Variants in PRKN observed in about 807,000 individuals in gnomAD.
The protein encoded by PRKN is E3 ubiquitin-protein ligase parkin.
PRKN carries 56 observed loss-of-function variants against 59.5 expected under a neutral mutation model. The ratio of observed to expected loss-of-function variants is 0.94; its 90% CI spans 0.76 to 1.18. The LOEUF is 1.18. Ranked by LOEUF, PRKN falls within the 50% of genes most tolerant of loss-of-function variation. The probability of loss-of-function intolerance (pLI) is 0.00; values close to 1 mark genes in which losing one functional copy is unlikely to be tolerated. For missense variants in PRKN, 657 were observed against 596.4 expected (o/e 1.10, Z -1.06); for synonymous variants, 250 against 222.1 (o/e 1.13, Z -1.12).
At chr6:162,145,836 C>A (rs61406550) in intron 4 of PRKN, among the ~76,000 whole-genome samples, 2 of 152,046 alleles carry the variant, frequency 1.3e-5, no homozygotes, top group Non-Finnish European at 2.9e-5. Context: ...TGATGGGCGG[C>A]GAAAAGCAAC....
At position 161,785,797 on chromosome 6, in the gene PRKN, T is replaced by G; in HGVS notation, c.846A>C (p.Gln282His). The change falls in exon 7 of 12, where the codon CAA becomes CAC. Residue 282 changes from glutamine (Q) to histidine (H), a missense_variant. Coordinates refer to ENST00000366898, the MANE Select transcript of PRKN (RefSeq NM_004562.3). ...CCACACAAGGCAGGGAGTAGCCAAG[T>G]TGAGGGTCGTGAACAAACTGCCGAT... ...LNDRQFVHDP[Q>H]LGYSLPCVAG... The G allele has an allele frequency of 6.2e-7, 1 of 1,614,074 alleles. No individual in the cohort carries two copies. Among genetic ancestry groups the G allele is most frequent in the Non-Finnish European group, 8.5e-7 (1 of 1,179,988 alleles).
At chr6:161,947,841 G>A (rs1779838637) in intron 6 of PRKN, among the ~76,000 whole-genome samples, 1 of 152,070 alleles carries the variant, frequency 6.6e-6, no homozygotes, top group Non-Finnish European at 1.5e-5. Flanking sequence ...TATGTACCTT[G>A]TACACCTTTT....
chr6:161,835,533 G>A (rs1792714003), intron 6 of PRKN, among the ~76,000 whole-genome samples: 1 of 152,226 alleles, frequency 6.6e-6, no homozygotes, highest in African/African-American at 2.4e-5. Flanking sequence ...TAATACGACA[G>A]TGATGTAAGG....
intron 7 of PRKN, among the ~76,000 whole-genome samples, chr6:161,711,403 A>G (rs577215239): frequency 6.6e-6 from 1 of 152,326 alleles, no homozygotes; most frequent in African/African-American, 2.4e-5. Context: ...TTGTATGTCT[A>G]TGACTGTGTG....
chr6:161,663,028 T>C (rs1296022322), intron 7 of PRKN, among the ~76,000 whole-genome samples: 1 of 152,116 alleles, frequency 6.6e-6, no homozygotes, highest in Non-Finnish European at 1.5e-5. Context: ...AATGAATAAG[T>C]CTCACAAGAG....
In PRKN at chr6:161,593,556, G is replaced by C. The variant is rs144058958; in HGVS notation, c.872-24140C>G. Among the ~76,000 whole-genome samples the C allele has an allele frequency of 4.2e-3, 641 of 152,272 alleles. 4 individuals carry two copies. Among genetic ancestry groups the C allele is most frequent in the African/African-American group, 0.015 (615 of 41,560 alleles). On this transcript the variant is annotated intron_variant, in intron 7 of 11. Transcript: ENST00000366898. The surrounding 1 kb of genome is among the most constrained non-coding windows in gnomAD (Gnocchi z 4.8). ...GGGAGGTGATGGCACCTGGGGGCTGGAAGGTGAGGCCAGCAGGTCTTGCTG... is the reference window on the plus strand; with the variant it reads ...GGGAGGTGATGGCACCTGGGGGCTGCAAGGTGAGGCCAGCAGGTCTTGCTG...
chr6:161,955,680 G>A (rs185194243), intron 6 of PRKN, among the ~76,000 whole-genome samples: 5 of 152,188 alleles, frequency 3.3e-5, no homozygotes, highest in Admixed American at 1.3e-4. Context: ...GTGAAACCCT[G>A]TCTCTACTAA....
In PRKN at chr6:161,426,819, T is replaced by C. The variant is rs180861237; in HGVS notation, c.1084-39942A>G. ...CTGCAAGCTCTGCCTCCCAGGTTCA[T>C]GCCATTCTCCTGCCTCAGCCTTCCG... On this transcript the variant is annotated intron_variant, in intron 9 of 11. Transcript: ENST00000366898. Among the ~76,000 whole-genome samples the C allele has an allele frequency of 5.6e-3, 857 of 151,904 alleles. 9 individuals carry two copies. Among genetic ancestry groups the C allele is most frequent in the African/African-American group, 0.019 (797 of 41,434 alleles).
chr6:162,429,129 G>T (rs1046611040), intron 2 of PRKN, among the ~76,000 whole-genome samples: 1 of 152,188 alleles, frequency 6.6e-6, no homozygotes, highest in Non-Finnish European at 1.5e-5. Flanking sequence ...GACTACAGAA[G>T]TATAACCAAT....
At position 161,355,174 on chromosome 6, in the gene PRKN, G is replaced by T. The variant is rs1359301078; in HGVS notation, c.1285+4914C>A. Reference sequence around the variant, plus strand: ...CCGCACACCGGCGCGCGCACACCCGGTGTCTTTGCTCATGCAGTCCTGGGG... The same window carrying T: ...CCGCACACCGGCGCGCGCACACCCGTTGTCTTTGCTCATGCAGTCCTGGGG... On this transcript the variant is annotated intron_variant, in intron 11 of 11. Coordinates refer to ENST00000366898, the MANE Select transcript of PRKN (RefSeq NM_004562.3). The surrounding 1 kb of genome is among the most constrained non-coding windows in gnomAD (Gnocchi z 6.8). 6.6e-6 allele frequency among the ~76,000 whole-genome samples: 1 copy of T among 152,202 alleles called. No individual in the cohort carries two copies. The highest frequency in any genetic ancestry group is 2.4e-5 in the African/African-American group (1 of 41,458).
chr6:162,709,251 C>T (rs1039255291), intron 1 of PRKN, among the ~76,000 whole-genome samples: 5 of 152,244 alleles, frequency 3.3e-5, no homozygotes, highest in African/African-American at 1.2e-4. Context: ...ACTTGAATTA[C>T]ACTTGAAACC....
intron 1 of PRKN, among the ~76,000 whole-genome samples, chr6:162,682,826 A>T (rs1376522347): frequency 6.6e-6 from 1 of 152,164 alleles, no homozygotes; most frequent in Non-Finnish European, 1.5e-5. Flanking sequence ...CATATGGTAG[A>T]TTCTATTAAT....
intron 10 of PRKN, among the ~76,000 whole-genome samples, chr6:161,365,369 G>C (rs1443312269): frequency 6.6e-6 from 1 of 152,162 alleles, no homozygotes; most frequent in East Asian, 1.9e-4. Flanking sequence ...TCTGGCTCAG[G>C]TGTGTGCACA....
intron 2 of PRKN, among the ~76,000 whole-genome samples, chr6:162,414,373 C>T (rs551267518): frequency 6.6e-6 from 1 of 152,086 alleles, no homozygotes; most frequent in South Asian, 2.1e-4. Context: ...TAGGACAAGG[C>T]ATCATTGTCT....
chr6:161,876,738 T>G (rs1481040728), intron 6 of PRKN, among the ~76,000 whole-genome samples: 2 of 152,166 alleles, frequency 1.3e-5, no homozygotes, highest in African/African-American at 4.8e-5. Context: ...TCTACTATTA[T>G]TTTTTCTATT....
chr6:162,472,514 T>C lies in PRKN; in HGVS notation c.8-29041A>G. On this transcript the variant is annotated intron_variant, in intron 1 of 11. Coordinates refer to ENST00000366898, the MANE Select transcript of PRKN (RefSeq NM_004562.3). ...TTTATTTTTTGAGACGGAGTCTCGC[T>C]CTGTCGCCCAGGCCAGACTGCGGAC... 1.6e-5 allele frequency among the ~76,000 whole-genome samples: 2 copies of C among 123,612 alleles called. 1 individual carries two copies. The highest frequency in any genetic ancestry group is 3.5e-5 in the Non-Finnish European group (2 of 56,746). The allele number at this position is 123,612 out of a possible 152,430, so 81.1% of individuals were successfully genotyped here. A position where few individuals can be genotyped will look rare whatever the true frequency, so the allele number is the denominator to read the frequency against.
chr6:161,953,443 C>T (rs1333903995), intron 6 of PRKN, among the ~76,000 whole-genome samples: 2 of 152,058 alleles, frequency 1.3e-5, no homozygotes, highest in African/African-American at 2.4e-5. Context: ...AGACAAATAT[C>T]CAATAGGAAA....
chr6:161,508,795 C>T (rs1352223870), intron 9 of PRKN, among the ~76,000 whole-genome samples: 3 of 151,894 alleles, frequency 2.0e-5, no homozygotes, highest in Non-Finnish European at 4.4e-5. Flanking sequence ...TAATGCAAAA[C>T]GGACCAGAGC....
intron 1 of PRKN, among the ~76,000 whole-genome samples, chr6:162,525,779 C>G (rs1187315908): frequency 6.6e-6 from 1 of 152,170 alleles, no homozygotes; most frequent in Non-Finnish European, 1.5e-5. Context: ...ACAAGGTTGT[C>G]AAATGAATGA....
Sources: gnomAD v4.1 joint callset for allele counts (sites outside exome capture counted in the v4.1 genomes callset) on GRCh38, gnomAD v4.1.1 for gene constraint, Gnocchi (gnomAD v3.1) non-coding constraint, MANE v1.5 for transcripts, NCBI Gene and HGNC (gene_info 2026-07-23, HGNC 2026-07-21) for gene names.